Variants in CHST3 observed in about 807,000 individuals in gnomAD.
CHST3 encodes carbohydrate sulfotransferase 3.
CHST3 carries 20 observed loss-of-function variants against 35.4 expected under a neutral mutation model. The ratio of observed to expected loss-of-function variants is 0.57; its 90% CI spans 0.40 to 0.82. The LOEUF is 0.82. Ranked by LOEUF, CHST3 falls within the 40% of genes least tolerant of loss-of-function variation. The pLI is 0.00. For synonymous variants in CHST3, 334 were observed against 295.9 expected, an observed-to-expected ratio of 1.13 and a Z score of -1.32; for missense variants, 693 against 670.1, an observed-to-expected ratio of 1.03 and a Z score of -0.38.
chr10:71,999,486 G>A lies in CHST3; in HGVS notation c.-107-6250G>A, dbSNP rs141586768. The stretch of plus-strand genomic sequence containing the variant: ...TCCCATGCAGCTCCTCCTCCAGCTC[G>A]TGGGAAAGGCCGAGAGGCCGGGCCA... On this transcript the variant is annotated intron_variant, in intron 1 of 2. Transcript: ENST00000373115. 2.4e-4 allele frequency among the ~76,000 whole-genome samples: 37 copies of A among 152,318 alleles called. No individual in the cohort carries two copies. In the East Asian group the frequency reaches 6.6e-3, roughly 27 times the overall value.
chr10:71,987,191 C>A (rs1839854825), intron 1 of CHST3, among the ~76,000 whole-genome samples: 2 of 152,122 alleles, frequency 1.3e-5, no homozygotes, highest in Non-Finnish European at 2.9e-5. Flanking sequence ...ACCCCTGTGG[C>A]CCCTCTCTCC....
In CHST3 at chr10:71,976,285, G is replaced by A. The variant is rs4148924; in HGVS notation, c.-108+11591G>A. ...CTTGTCCCTGGAAGGGCCTCACTGCGGTGACTCATTACCCAGCATGCAGCA... is the reference window on the plus strand; with the variant it reads ...CTTGTCCCTGGAAGGGCCTCACTGCAGTGACTCATTACCCAGCATGCAGCA... On this transcript the variant is annotated intron_variant, in intron 1 of 2. Coordinates refer to ENST00000373115, the MANE Select transcript of CHST3 (RefSeq NM_004273.5). Among the ~76,000 whole-genome samples the A allele has an allele frequency of 5.6e-3, 849 of 152,254 alleles. 1 individual carries two copies. Among genetic ancestry groups the A allele is most frequent in the East Asian group, 0.013 (68 of 5,186 alleles).
At chr10:71,978,726 G>T (rs1839771087) in intron 1 of CHST3, among the ~76,000 whole-genome samples, 1 of 152,302 alleles carries the variant, frequency 6.6e-6, no homozygotes, top group African/African-American at 2.4e-5. Context: ...TGTCTAAAGG[G>T]CAGTGAAGAA....
chr10:71,973,753 C>T (rs1222676445), intron 1 of CHST3, among the ~76,000 whole-genome samples: 2 of 152,202 alleles, frequency 1.3e-5, no homozygotes, highest in Non-Finnish European at 2.9e-5. Context: ...CAGAGGTGGA[C>T]ATGAGGGAAG....
chr10:71,990,547 G>A (rs768790176), intron 1 of CHST3, among the ~76,000 whole-genome samples: 33 of 152,140 alleles, frequency 2.2e-4, no homozygotes, highest in Non-Finnish European at 4.1e-4. Flanking sequence ...ATTTTTATTA[G>A]AGATGGGGTT....
chr10:72,004,853 G>A (rs1840023325), intron 1 of CHST3, among the ~76,000 whole-genome samples: 1 of 152,224 alleles, frequency 6.6e-6, no homozygotes, highest in Non-Finnish European at 1.5e-5. Context: ...GTGGGGGCCA[G>A]GCGTGGTGGC....
At chr10:71,995,415 C>CT (rs960586482) in intron 1 of CHST3, among the ~76,000 whole-genome samples, 6 of 110,002 alleles carry the variant, frequency 5.5e-5, no homozygotes, top group African/African-American at 2.3e-4. Flanking sequence ...GAGCGAGAGT[C>CT]TGTCTCAAAA....
rs1282105404 is a variant in CHST3 at position 72,011,199 on chromosome 10, C to T, written c.*2728C>T. The T allele has an allele frequency of 3.9e-5, 6 of 152,192 alleles. No homozygotes were observed. Among genetic ancestry groups the T allele is most frequent in the African/African-American group, 7.2e-5 (3 of 41,446 alleles). The allele number at this position is 152,192 out of a possible 1,614,324, so 9.4% of individuals were successfully genotyped here. On this transcript the variant is annotated 3_prime_UTR_variant, in exon 3 of 3. Transcript: ENST00000373115. ...AGAATGAGCTGGAGCGCCAGCACCA[C>T]GATGGCCCCAGGACGTTGTTTAAGA...
chr10:71,987,690 T>G (rs1457074684), intron 1 of CHST3, among the ~76,000 whole-genome samples: 16 of 120,858 alleles, frequency 1.3e-4, no homozygotes, highest in African/African-American at 5.1e-4. Flanking sequence ...CACTCCACCC[T>G]GGGTAACAAG....
In CHST3 at chr10:72,005,743, G is replaced by C; in HGVS notation, c.-100G>C. 3 of 1,469,388 alleles carry C rather than the reference G, an allele frequency of 2.0e-6. No individual in the cohort carries two copies. The highest frequency in any genetic ancestry group is 2.8e-6 in the Non-Finnish European group (3 of 1,053,330). The allele number at this position is 1,469,388 out of a possible 1,614,324, so 91.0% of individuals were successfully genotyped here. A position where few individuals can be genotyped will look rare whatever the true frequency, so the allele number is the denominator to read the frequency against. ...CCACCTGTCTCTCCGCAGGACAAGG[G>C]TGTCCCCCACCTGAAGACGGCAAGC... On this transcript the variant is annotated 5_prime_UTR_variant, in exon 2 of 3. Transcript: ENST00000373115.
At chr10:71,971,411 C>T (rs557967512) in intron 1 of CHST3, among the ~76,000 whole-genome samples, 1 of 152,306 alleles carries the variant, frequency 6.6e-6, no homozygotes, top group African/African-American at 2.4e-5. Context: ...GTCTGCAGAC[C>T]AGTCTGCAGG....
intron 1 of CHST3, among the ~76,000 whole-genome samples, chr10:71,985,331 G>T (rs1189012229): frequency 6.6e-6 from 1 of 152,240 alleles, no homozygotes; most frequent in African/African-American, 2.4e-5. Flanking sequence ...ACACCATGTT[G>T]TCCAGCTGAT....
At chr10:71,993,551 A>G (rs1839915771) in intron 1 of CHST3, among the ~76,000 whole-genome samples, 1 of 152,158 alleles carries the variant, frequency 6.6e-6, no homozygotes, top group African/African-American at 2.4e-5. Flanking sequence ...CTGAGTCACA[A>G]ATGTTCTTAC....
At chr10:71,971,326 G>A (rs915905659) in intron 1 of CHST3, among the ~76,000 whole-genome samples, 6 of 152,196 alleles carry the variant, frequency 3.9e-5, no homozygotes, top group Admixed American at 3.9e-4. Flanking sequence ...CGCTCCGCAC[G>A]TCCACATGTT....
chr10:72,001,716 C>A (rs1839995088), intron 1 of CHST3, among the ~76,000 whole-genome samples: 1 of 152,186 alleles, frequency 6.6e-6, no homozygotes, highest in Admixed American at 6.5e-5. Context: ...TCAGGTCCAC[C>A]TGCCTTGGCC....
rs1226428958 is a variant in CHST3, at chr10:72,009,685, T to A, written c.*1214T>A. On this transcript the variant is annotated 3_prime_UTR_variant, in exon 3 of 3. Coordinates refer to ENST00000373115, the MANE Select transcript of CHST3 (RefSeq NM_004273.5). ...CCTGAGAAGCCCGCCTTCTCCCTCG[T>A]GGACAGGAGTCAGCCAGTTGGTTGC... is the stretch of plus-strand genomic sequence containing the variant. The A allele has an allele frequency of 1.3e-5, 2 of 152,442 alleles. No individual in the cohort carries two copies. The highest frequency in any genetic ancestry group is 2.9e-5 in the Non-Finnish European group (2 of 68,138). 9.4% of individuals were successfully genotyped at this position (152,442 alleles called of 1,614,324 possible).
chr10:72,006,412 C>A (rs537405289), intron 2 of CHST3, among the ~76,000 whole-genome samples: 1 of 152,326 alleles, frequency 6.6e-6, no homozygotes, highest in East Asian at 1.9e-4. Flanking sequence ...TAATTTACCT[C>A]CTGGCCTTGC....
At chr10:72,007,125 C>T (rs375092999) in intron 2 of CHST3, 47 bp from the exon 3 acceptor site, 229 of 1,602,572 alleles carry the variant, frequency 1.4e-4, no homozygotes, top group Non-Finnish European at 1.8e-4. Context: ...GCCCAGGAGA[C>T]GGGGTCCCCA....
intron 1 of CHST3, among the ~76,000 whole-genome samples, chr10:71,996,427 C>T (rs546916747): frequency 8.6e-6 from 1 of 116,778 alleles, no homozygotes; most frequent in Non-Finnish European, 1.9e-5. Flanking sequence ...CTCTACCAAC[C>T]CCCCCCCAAC....
Sources: allele counts gnomAD v4.1 joint callset (sites outside exome capture counted in the v4.1 genomes callset), GRCh38; gene constraint gnomAD v4.1.1; transcripts MANE v1.5; gene names NCBI Gene and HGNC (gene_info 2026-07-23, HGNC 2026-07-21).